The following PTPRM variants were observed in gnomAD, a reference collection of about 807,000 sequenced individuals.
PTPRM encodes protein tyrosine phosphatase receptor type M.
PTPRM carries 47 observed loss-of-function variants against 186.7 expected under a neutral mutation model. The ratio of observed to expected loss-of-function variants is 0.25; its 90% CI spans 0.20 to 0.32. The LOEUF is 0.32. PTPRM is among the 10% of genes least tolerant of loss of function. The pLI is 1.00. For synonymous variants in PTPRM, 668 were observed against 674.9 expected, an observed-to-expected ratio of 0.99 and a Z score of 0.16; for missense variants, 1,494 against 1,865.0, an observed-to-expected ratio of 0.80 and a Z score of 3.66.
At chr18:7,723,137 A>T (rs1205139993) in intron 1 of PTPRM, among the ~76,000 whole-genome samples, 2 of 152,204 alleles carry the variant, frequency 1.3e-5, no homozygotes, top group African/African-American at 4.8e-5. Flanking sequence ...TCTTGTGAAC[A>T]TGCATAGTAT....
chr18:7,781,570 C>T (rs2145082959), intron 2 of PTPRM, among the ~76,000 whole-genome samples: 1 of 152,096 alleles, frequency 6.6e-6, no homozygotes, highest in East Asian at 1.9e-4. Context: ...GAGCATAGTC[C>T]CCATAGGTGG....
intron 14 of PTPRM, among the ~76,000 whole-genome samples, chr18:8,180,306 A>T (rs1354810385): frequency 6.6e-6 from 1 of 152,218 alleles, no homozygotes; most frequent in African/African-American, 2.4e-5. Flanking sequence ...CAAATCTGTA[A>T]GGATCTGCAG....
At chr18:8,198,749 C>A (rs962991089) in intron 14 of PTPRM, among the ~76,000 whole-genome samples, 1 of 152,154 alleles carries the variant, frequency 6.6e-6, no homozygotes, top group Non-Finnish European at 1.5e-5. Context: ...GTCTTATTGA[C>A]TCTGTTTATC....
At chr18:7,962,501 C>T (rs142763906) in intron 7 of PTPRM, among the ~76,000 whole-genome samples, 68 of 152,242 alleles carry the variant, frequency 4.5e-4, no homozygotes, top group Middle Eastern at 3.4e-3. Flanking sequence ...GATTTAGGTT[C>T]ATATTGGTTT....
intron 14 of PTPRM, among the ~76,000 whole-genome samples, chr18:8,240,816 GAGAGAGAGAGAAAGAA>G (rs1568585139): frequency 4.0e-4 from 16 of 40,390 alleles, no homozygotes; most frequent in African/African-American, 1.9e-3. Flanking sequence ...GAGAGAGAGA[GAGAGAGAGAGAAAGAA>G]AGAAAGAAAG....
rs115590589 is a variant in PTPRM at position 8,316,257 on chromosome 18, G to C, written c.2919+1400G>C. On this transcript the variant is annotated intron_variant, in intron 21 of 32. Transcript: ENST00000580170. ...CTTGAGTACAGGGACAGTGTCCTAG[G>C]CATCTTACTTCCCCTGCACCTGGCA... is the stretch of plus-strand genomic sequence containing the variant. Among the ~76,000 whole-genome samples, 811 of 152,306 alleles carry C rather than the reference G, an allele frequency of 5.3e-3. 6 individuals are homozygous for C. The highest frequency in any genetic ancestry group is 0.019 in the African/African-American group (778 of 41,558).
At chr18:7,664,016 T>G (rs2144410362) in intron 1 of PTPRM, among the ~76,000 whole-genome samples, 1 of 152,342 alleles carries the variant, frequency 6.6e-6, no homozygotes, top group African/African-American at 2.4e-5. Flanking sequence ...CTCTAGGGAT[T>G]TCAGCCTCCG....
intron 1 of PTPRM, among the ~76,000 whole-genome samples, chr18:7,578,392 A>G (rs1317168113): frequency 6.8e-6 from 1 of 147,872 alleles, no homozygotes; most frequent in Non-Finnish European, 1.5e-5. Context: ...CTGGAGTACA[A>G]TGGCGTGATC....
At chr18:7,905,771 T>G (rs2049946896) in intron 3 of PTPRM, among the ~76,000 whole-genome samples, 3 of 152,210 alleles carry the variant, frequency 2.0e-5, no homozygotes, top group African/African-American at 7.2e-5. Flanking sequence ...ATGTGTATAT[T>G]CTTATAGTAC....
intron 22 of PTPRM, among the ~76,000 whole-genome samples, chr18:8,323,267 T>C (rs768694651): frequency 2.6e-5 from 4 of 152,160 alleles, no homozygotes; most frequent in Non-Finnish European, 5.9e-5. Flanking sequence ...TCCTCACTTC[T>C]AAGTGAGCAT....
chr18:7,732,050 T>A (rs887755973), intron 1 of PTPRM, among the ~76,000 whole-genome samples: 1 of 152,160 alleles, frequency 6.6e-6, no homozygotes, highest in African/African-American at 2.4e-5. Flanking sequence ...AAAACTTAGG[T>A]CTTTAGTTAG....
intron 23 of PTPRM, among the ~76,000 whole-genome samples, chr18:8,362,191 G>C (rs552299756): frequency 6.6e-6 from 1 of 152,258 alleles, no homozygotes; most frequent in African/African-American, 2.4e-5. Flanking sequence ...ACTGCTCCCA[G>C]CTCTGCCATA....
chr18:7,977,437 C>CA (rs1433489626), intron 7 of PTPRM, among the ~76,000 whole-genome samples: 1 of 152,086 alleles, frequency 6.6e-6, no homozygotes. Flanking sequence ...GTAGGTCCCT[C>CA]ACACGTGCAC....
At chr18:8,112,018 C>T (rs2091778397) in intron 11 of PTPRM, among the ~76,000 whole-genome samples, 1 of 152,182 alleles carries the variant, frequency 6.6e-6, no homozygotes. Flanking sequence ...TGACCTTGAC[C>T]CTTTACCTTT....
At chr18:7,813,817 C>T (rs1357623301) in intron 2 of PTPRM, among the ~76,000 whole-genome samples, 1 of 151,164 alleles carries the variant, frequency 6.6e-6, no homozygotes, top group South Asian at 2.1e-4. Flanking sequence ...TTGGCTCTGT[C>T]TTCTAGATTA....
chr18:8,203,768 A>G (rs1025540860), intron 14 of PTPRM, among the ~76,000 whole-genome samples: 1 of 152,214 alleles, frequency 6.6e-6, no homozygotes, highest in African/African-American at 2.4e-5. Context: ...ACACACATGC[A>G]TAGTGAAAAA....
intron 7 of PTPRM, among the ~76,000 whole-genome samples, chr18:7,976,919 G>A: frequency 7.3e-6 from 1 of 137,714 alleles, no homozygotes; most frequent in East Asian, 2.2e-4. Context: ...GAAACTTGCT[G>A]TTTTTTTTTT....
chr18:8,294,615 T>C (rs982780617), intron 19 of PTPRM, among the ~76,000 whole-genome samples: 10 of 152,290 alleles, frequency 6.6e-5, no homozygotes, highest in Admixed American at 5.2e-4. Context: ...CATATCACTC[T>C]TCAACTAGCG....
intron 5 of PTPRM, among the ~76,000 whole-genome samples, chr18:7,947,918 T>C (rs2052654023): frequency 6.6e-6 from 1 of 152,046 alleles, no homozygotes; most frequent in African/African-American, 2.4e-5. Context: ...CCACCACTTT[T>C]CTTTTGGGTA....
Sources: gnomAD v4.1 joint callset for allele counts (sites outside exome capture counted in the v4.1 genomes callset) on GRCh38, gnomAD v4.1.1 for gene constraint, MANE v1.5 for transcripts, NCBI Gene and HGNC (gene_info 2026-07-23, HGNC 2026-07-21) for gene names.